P4HA3: variants seen among roughly 807,000 people sequenced by gnomAD.
The protein encoded by P4HA3 is prolyl 4-hydroxylase subunit alpha-3.
A neutral mutation model predicts 66.7 loss-of-function variants in P4HA3; 60 were observed. The observed-to-expected ratio is 0.90, with a 90% confidence interval of 0.73 to 1.12. The LOEUF is 1.12. Ranked by LOEUF, P4HA3 falls within the 50% of genes most tolerant of loss-of-function variation. The pLI, the probability that P4HA3 is intolerant of heterozygous loss-of-function variation, is 0.00. For missense variants in P4HA3, 683 were observed against 685.8 expected (o/e 1.00, Z 0.05); for synonymous variants, 263 against 274.6 (o/e 0.96, Z 0.42).
chr11:74,273,503 C>A (rs554403844), intron 10 of P4HA3, 42 bp downstream of exon 10: 3 of 1,398,910 alleles, frequency 2.1e-6, no homozygotes, highest in Admixed American at 2.7e-5. Flanking sequence ...TAAAGTAGAG[C>A]TATAGTCAGT....
chr11:74,302,320 C>A (rs1861432057), intron 3 of P4HA3, 49 bp downstream of exon 3: 1 of 1,479,054 alleles, frequency 6.8e-7, no homozygotes, highest in African/African-American at 1.4e-5. Flanking sequence ...GTTATTTTAT[C>A]CATAAGAAAC....
chr11:74,298,776 G>A (rs1861306290), intron 3 of P4HA3, among the ~76,000 whole-genome samples: 1 of 152,178 alleles, frequency 6.6e-6, no homozygotes, highest in Non-Finnish European at 1.5e-5. Context: ...GCAGAGACTG[G>A]GAAGAAAAGC....
At chr11:74,305,942 C>G (rs77766513) in intron 1 of P4HA3, among the ~76,000 whole-genome samples, 4,860 of 152,044 alleles carry the variant, frequency 0.032, 269 homozygotes, top group African/African-American at 0.11. Flanking sequence ...AAGAACAAGG[C>G]TTAGTGGGGA....
At chr11:74,297,201 G>C (rs570877156) in intron 4 of P4HA3, among the ~76,000 whole-genome samples, 1 of 151,950 alleles carries the variant, frequency 6.6e-6, no homozygotes, top group African/African-American at 2.4e-5. Flanking sequence ...TGATCTGCCC[G>C]GCTCAGCCTC....
At chr11:74,272,474 G>A (rs767312566) in intron 10 of P4HA3, among the ~76,000 whole-genome samples, 16 of 152,180 alleles carry the variant, frequency 1.1e-4, no homozygotes, top group Non-Finnish European at 1.9e-4. Flanking sequence ...GCAGCTCCAA[G>A]ATGTGTCCCC....
At chr11:74,299,098 CAATGCATTAGACACCAT>C (rs1278515771) in intron 3 of P4HA3, among the ~76,000 whole-genome samples, 1 of 152,198 alleles carries the variant, frequency 6.6e-6, no homozygotes, top group Non-Finnish European at 1.5e-5. Flanking sequence ...AATTGTAACA[CAATGCATTAGACACCAT>C]AATGAAGGTA....
chr11:74,309,213 T>G (rs1861655829), intron 1 of P4HA3, among the ~76,000 whole-genome samples: 1 of 152,238 alleles, frequency 6.6e-6, no homozygotes, highest in Non-Finnish European at 1.5e-5. Flanking sequence ...CAACTAGACT[T>G]TAGTTTTCTC....
chr11:74,263,392 CT>C (rs556040118), downstream of P4HA3, among the ~76,000 whole-genome samples: 125 of 152,348 alleles, frequency 8.2e-4, no homozygotes, highest in African/African-American at 2.8e-3. Context: ...GAGACCCCCC[CT>C]GCCCTAAAAT....
At chr11:74,299,274 G>C (rs1565420224) in intron 3 of P4HA3, among the ~76,000 whole-genome samples, 1 of 152,178 alleles carries the variant, frequency 6.6e-6, no homozygotes, top group Non-Finnish European at 1.5e-5. Context: ...GAATTTCCTG[G>C]AAGTTGATAT....
At chr11:74,294,433 T>C (rs1284073979) in intron 4 of P4HA3, among the ~76,000 whole-genome samples, 1 of 152,228 alleles carries the variant, frequency 6.6e-6, no homozygotes, top group East Asian at 1.9e-4. Flanking sequence ...GTCTGAAGCC[T>C]TCTTCTCTCA....
intron 8 of P4HA3, among the ~76,000 whole-genome samples, chr11:74,278,438 T>A (rs1412164306): frequency 6.6e-6 from 1 of 152,190 alleles, no homozygotes; most frequent in Non-Finnish European, 1.5e-5. Context: ...GGAAAATGAT[T>A]TGGCAATTAG....
Position 74,302,489 on chromosome 11 carries a change from G to C in P4HA3, c.447C>G (p.Leu149=). The stretch of plus-strand genomic sequence containing the variant: ...CACCTCGGGCCAGGCCTTTCACATT[G>C]AGCATGTACACGTCCTGCAGCCGCA... ...ALMRLQDVYM[L]NVKGLARGVF... is the part of the protein sequence containing the mutation. The change falls in exon 3 of 13, where the codon CTC becomes CTG. Residue 149 remains leucine (L), a synonymous_variant. Transcript: ENST00000331597. The C allele has an allele frequency of 6.2e-7, 1 of 1,614,168 alleles. No homozygotes were observed. The highest frequency in any genetic ancestry group is 8.5e-7 in the Non-Finnish European group (1 of 1,180,024).
chr11:74,283,719 G>A (rs1215179761), intron 7 of P4HA3, among the ~76,000 whole-genome samples: 1 of 152,130 alleles, frequency 6.6e-6, no homozygotes, highest in Non-Finnish European at 1.5e-5. Flanking sequence ...CCACATATCA[G>A]GCCCTTGCAC....
chr11:74,286,140 C>T, intron 6 of P4HA3, 88 bp downstream of exon 6: 2 of 1,510,548 alleles, frequency 1.3e-6, no homozygotes, highest in Non-Finnish European at 1.8e-6. Context: ...TTTAATGCAT[C>T]AGCTCTATCC....
chr11:74,262,608 AGAT>A (rs1277050583), downstream of P4HA3, among the ~76,000 whole-genome samples: 1 of 152,138 alleles, frequency 6.6e-6, no homozygotes. Flanking sequence ...TTGCCAAAAG[AGAT>A]GATAACTGTT....
At chr11:74,308,602 A>G (rs531525937) in intron 1 of P4HA3, among the ~76,000 whole-genome samples, 12 of 152,326 alleles carry the variant, frequency 7.9e-5, no homozygotes, top group Admixed American at 7.2e-4. Flanking sequence ...ACAGAATGAC[A>G]GTCTTCAAAA....
chr11:74,255,811 A>G (rs954025759), intron 15 of P4HA3: 7 of 388,656 alleles, frequency 1.8e-5, no homozygotes, highest in African/African-American at 6.2e-5. Context: ...AAGTGCATCA[A>G]TGTCTGAAAA....
chr11:74,270,810 A>G (rs536518959), intron 10 of P4HA3, among the ~76,000 whole-genome samples: 46 of 152,308 alleles, frequency 3.0e-4, no homozygotes, highest in Non-Finnish European at 6.0e-4. Flanking sequence ...CCATCATGCT[A>G]CACATTTGGA....
intron 1 of P4HA3, among the ~76,000 whole-genome samples, chr11:74,310,177 G>C (rs1861690677): frequency 6.6e-6 from 1 of 152,218 alleles, no homozygotes; most frequent in Non-Finnish European, 1.5e-5. Context: ...TAGGCTTCTT[G>C]ATGTCCCAGG....
Sources: gnomAD v4.1 joint callset for allele counts (sites outside exome capture counted in the v4.1 genomes callset) on GRCh38, gnomAD v4.1.1 for gene constraint, MANE v1.5 for transcripts, NCBI Gene and HGNC (gene_info 2026-07-23, HGNC 2026-07-21) for gene names.